The following GTF2F2 variants were observed in gnomAD, a reference collection of about 807,000 sequenced individuals.
The protein encoded by GTF2F2 is ATP-dependent helicase GTF2F2.
GTF2F2 carries 23 observed loss-of-function variants against 42.2 expected under a neutral mutation model. The ratio of observed to expected loss-of-function variants is 0.55; its 90% CI spans 0.39 to 0.77. The LOEUF (loss-of-function observed/expected upper bound fraction) is 0.77. Among genes scored for constraint, GTF2F2 ranks in the 30% least tolerant of loss-of-function variants. The probability of loss-of-function intolerance (pLI) is 0.00; values close to 1 mark genes in which losing one functional copy is unlikely to be tolerated. For missense variants in GTF2F2, 261 were observed against 287.2 expected (o/e 0.91, Z 0.66); for synonymous variants, 105 against 100.8 (o/e 1.04, Z -0.25).
chr13:45,173,348 C>T (rs1435638988), intron 4 of GTF2F2, among the ~76,000 whole-genome samples: 1 of 144,820 alleles, frequency 6.9e-6, no homozygotes, highest in East Asian at 1.9e-4. Context: ...TTCAGATTTC[C>T]CTAGTTTTAC....
chr13:45,177,043 G>A (rs1211284841), intron 4 of GTF2F2, among the ~76,000 whole-genome samples: 1 of 152,142 alleles, frequency 6.6e-6, no homozygotes, highest in Non-Finnish European at 1.5e-5. Context: ...ACCCACCTCA[G>A]CCTTTCAAGG....
chr13:45,252,711 C>T (rs1411061335), intron 5 of GTF2F2, among the ~76,000 whole-genome samples, 160 bp from the exon 6 acceptor site: 1 of 152,038 alleles, frequency 6.6e-6, no homozygotes, highest in African/African-American at 2.4e-5. Flanking sequence ...ATTATAGTCA[C>T]GTATATTCAG....
chr13:45,151,910 G>GTTT (rs1491051989), intron 4 of GTF2F2, 79 bp downstream of exon 4: 1 of 286,172 alleles, frequency 3.5e-6, no homozygotes, highest in South Asian at 9.0e-5. Context: ...ACTCCTATTT[G>GTTT]CTTTTTTTTT....
intron 4 of GTF2F2, among the ~76,000 whole-genome samples, chr13:45,192,285 G>T (rs1192498192): frequency 1.3e-5 from 2 of 152,028 alleles, no homozygotes; most frequent in Admixed American, 1.3e-4. Context: ...ATTTTTGAAG[G>T]AATTTTTTTG....
intron 5 of GTF2F2, among the ~76,000 whole-genome samples, chr13:45,234,427 T>C (rs1207605489): frequency 6.6e-6 from 1 of 152,226 alleles, no homozygotes; most frequent in African/African-American, 2.4e-5. Flanking sequence ...ATCTTTTTCC[T>C]GTATGCTAAG....
At chr13:45,231,730 A>T (rs1246216520) in intron 5 of GTF2F2, among the ~76,000 whole-genome samples, 3 of 152,042 alleles carry the variant, frequency 2.0e-5, no homozygotes, top group Non-Finnish European at 4.4e-5. Flanking sequence ...AAACTTCTTA[A>T]TTTTCAAACA....
intron 5 of GTF2F2, among the ~76,000 whole-genome samples, chr13:45,226,997 A>G (rs972558857): frequency 6.6e-6 from 1 of 152,168 alleles, no homozygotes; most frequent in Non-Finnish European, 1.5e-5. Flanking sequence ...GAGAAATAGG[A>G]GGCCAAGGTG....
chr13:45,279,685 A>G (rs868537849), intron 7 of GTF2F2, among the ~76,000 whole-genome samples: 1 of 152,124 alleles, frequency 6.6e-6, no homozygotes, highest in South Asian at 2.1e-4. Flanking sequence ...AGGCGGGTGG[A>G]TCACGAGGTC....
intron 2 of GTF2F2, among the ~76,000 whole-genome samples, chr13:45,148,701 A>C (rs1326569318): frequency 1.3e-5 from 2 of 152,128 alleles, no homozygotes; most frequent in East Asian, 3.9e-4. Context: ...GCTGGCTGGG[A>C]CAGGGTTAAC....
intron 5 of GTF2F2, among the ~76,000 whole-genome samples, chr13:45,252,196 G>A (rs543457940): frequency 6.6e-6 from 1 of 152,328 alleles, no homozygotes; most frequent in African/African-American, 2.4e-5. Context: ...AGGCTGGAGT[G>A]CAGTGGCACA....
At chr13:45,172,626 A>G (rs1468665335) in intron 4 of GTF2F2, among the ~76,000 whole-genome samples, 1 of 152,188 alleles carries the variant, frequency 6.6e-6, no homozygotes, top group African/African-American at 2.4e-5. Flanking sequence ...TTAATTTTGT[A>G]TATGGTATGA....
At chr13:45,208,634 G>A (rs1354856696) in intron 5 of GTF2F2, among the ~76,000 whole-genome samples, 3 of 152,156 alleles carry the variant, frequency 2.0e-5, no homozygotes, top group African/African-American at 7.2e-5. Context: ...TTGGATATCA[G>A]CATTCTCATC....
rs117337155 is a variant in GTF2F2, at chr13:45,204,964, G to A, written c.305-2460G>A. Reference sequence around the variant, plus strand: ...GAGATTGGTGGCCAAGTTGTAATGGGCAGTTGCTGTGGACCTGATTTCTAC... The same window carrying A: ...GAGATTGGTGGCCAAGTTGTAATGGACAGTTGCTGTGGACCTGATTTCTAC... On this transcript the variant is annotated intron_variant, in intron 4 of 7. Transcript: ENST00000340473. 1.0e-3 allele frequency among the ~76,000 whole-genome samples: 153 copies of A among 152,266 alleles called. No individual in the cohort carries two copies. In the Middle Eastern group the frequency reaches 0.024, roughly 24 times the overall value.
intron 6 of GTF2F2, among the ~76,000 whole-genome samples, chr13:45,265,570 A>G (rs899906882): frequency 2.6e-4 from 39 of 152,186 alleles, no homozygotes; most frequent in African/African-American, 9.4e-4. Flanking sequence ...AAAAATGAAG[A>G]TGATTGAGTC....
chr13:45,218,340 A>G (rs551728865), intron 5 of GTF2F2, among the ~76,000 whole-genome samples: 26 of 152,256 alleles, frequency 1.7e-4, no homozygotes, highest in Non-Finnish European at 3.4e-4. Context: ...CGTATTAGAA[A>G]AAGGTGCTCC....
intron 5 of GTF2F2, among the ~76,000 whole-genome samples, chr13:45,213,748 T>C (rs1873788574): frequency 6.6e-6 from 1 of 152,104 alleles, no homozygotes; most frequent in African/African-American, 2.4e-5. Flanking sequence ...TACAGAAATA[T>C]GAGAATCATC....
intron 5 of GTF2F2, among the ~76,000 whole-genome samples, chr13:45,230,897 T>C (rs949091761): frequency 6.6e-6 from 1 of 151,838 alleles, no homozygotes; most frequent in African/African-American, 2.4e-5. Context: ...TAAGTTTGGG[T>C]TTTTTTTAGT....
chr13:45,206,632 A>G (rs1397996639), intron 4 of GTF2F2: 1 of 152,196 alleles, frequency 6.6e-6, no homozygotes, highest in Non-Finnish European at 1.5e-5. Flanking sequence ...TGAGACATTT[A>G]TATGTGTATT....
intron 7 of GTF2F2, 21 bp from the exon 8 acceptor site, chr13:45,283,421 G>C (rs774977500): frequency 2.5e-6 from 4 of 1,596,566 alleles, no homozygotes; most frequent in South Asian, 1.1e-5. Context: ...TCATTTGTTA[G>C]GGGTTTTGTT....
Sources: allele counts gnomAD v4.1 joint callset (sites outside exome capture counted in the v4.1 genomes callset), GRCh38; gene constraint gnomAD v4.1.1; transcripts MANE v1.5; gene names NCBI Gene and HGNC (gene_info 2026-07-23, HGNC 2026-07-21).